Variants in CACNA1D observed in about 807,000 individuals in gnomAD.
CACNA1D encodes the protein calcium voltage-gated channel subunit alpha1 D, also known as voltage-dependent L-type calcium channel subunit alpha-1D.
In CACNA1D, 55 loss-of-function variants were observed where a neutral mutation model predicts 257.1. The observed-to-expected ratio is 0.21, with a 90% CI of 0.17 to 0.27. The LOEUF is 0.27. Ranked by LOEUF, CACNA1D falls within the 10% of genes least tolerant of loss-of-function variation. The pLI is 1.00. For missense variants in CACNA1D, 1,876 were observed against 2,784.0 expected, an observed-to-expected ratio of 0.67 and a Z score of 7.34; for synonymous variants, 980 against 1,014.9, an observed-to-expected ratio of 0.97 and a Z score of 0.65.
intron 30 of CACNA1D, among the ~76,000 whole-genome samples, chr3:53,763,620 C>T (rs2095316226): frequency 6.6e-6 from 1 of 152,196 alleles, no homozygotes; most frequent in Non-Finnish European, 1.5e-5. Flanking sequence ...CACCCCCTGC[C>T]CCTGATGCTC....
intron 44 of CACNA1D, 60 bp from the exon 45 acceptor site, chr3:53,804,923 C>T (rs1458967410): frequency 8.7e-6 from 13 of 1,488,300 alleles, no homozygotes; most frequent in Non-Finnish European, 1.2e-5. Context: ...GTCAGTCTGG[C>T]AGGGTTGAGT....
At chr3:53,547,649 G>A (rs778080447) in intron 3 of CACNA1D, among the ~76,000 whole-genome samples, 2 of 152,154 alleles carry the variant, frequency 1.3e-5, no homozygotes, top group African/African-American at 4.8e-5. Context: ...AAGAAACGAG[G>A]CAGGGAAGTT....
chr3:53,542,920 C>T (rs1389413995), intron 3 of CACNA1D, among the ~76,000 whole-genome samples: 1 of 151,716 alleles, frequency 6.6e-6, no homozygotes, highest in African/African-American at 2.4e-5. Flanking sequence ...GGCGTGGTGG[C>T]GCATGCCTGT....
chr3:53,567,935 G>A (rs1023746518), intron 3 of CACNA1D, among the ~76,000 whole-genome samples: 1 of 152,130 alleles, frequency 6.6e-6, no homozygotes, highest in African/African-American at 2.4e-5. Context: ...GTTTCTTTCT[G>A]ACTGAAAGAA....
rs565433387 is a variant in CACNA1D, at chr3:53,609,426, A to C, written c.484-41353A>C. Among the ~76,000 whole-genome samples the C allele has an allele frequency of 4.4e-4, 67 of 151,914 alleles. 2 individuals are homozygous for C. Among genetic ancestry groups the C allele is most frequent in the Middle Eastern group, 3.4e-3 (1 of 294 alleles). On this transcript the variant is annotated intron_variant, in intron 3 of 47. Coordinates refer to ENST00000350061, the MANE Select transcript of CACNA1D (RefSeq NM_001128840.3). ...CTCTACCTCAAAAAAAAAAAAAAAAAAAAAAAACTTCAAGTTATTAAATAG... is the reference window on the plus strand; with the variant it reads ...CTCTACCTCAAAAAAAAAAAAAAAACAAAAAAACTTCAAGTTATTAAATAG...
At chr3:53,724,041 G>A (rs1176138643) in intron 14 of CACNA1D, 42 bp downstream of exon 14, 1 of 1,521,744 alleles carries the variant, frequency 6.6e-7, no homozygotes, top group Non-Finnish European at 9.1e-7. Flanking sequence ...TTCGTGAGCA[G>A]CAGCTAAAAC....
At chr3:53,716,771 G>A (rs892824766) in intron 9 of CACNA1D, among the ~76,000 whole-genome samples, 15 of 152,136 alleles carry the variant, frequency 9.9e-5, no homozygotes, top group Admixed American at 1.3e-4. Flanking sequence ...TGGGCATGGC[G>A]TGGAGGCTCC....
chr3:53,611,174 C>T (rs2093578641), intron 3 of CACNA1D, among the ~76,000 whole-genome samples: 1 of 152,070 alleles, frequency 6.6e-6, no homozygotes, highest in Non-Finnish European at 1.5e-5. Context: ...AGGCTAGGAG[C>T]TCAAGACCAG....
intron 3 of CACNA1D, among the ~76,000 whole-genome samples, chr3:53,625,529 G>A (rs1212008138): frequency 2.6e-5 from 4 of 152,190 alleles, no homozygotes; most frequent in African/African-American, 9.7e-5. Context: ...CTAGGAAGAT[G>A]TGCTCTTCTG....
intron 3 of CACNA1D, among the ~76,000 whole-genome samples, chr3:53,625,397 T>C (rs2093745745): frequency 1.3e-5 from 2 of 152,192 alleles, no homozygotes; most frequent in African/African-American, 4.8e-5. Context: ...TGTCGCGTTC[T>C]GACTTCCCAG....
At chr3:53,559,845 C>T (rs567407148) in intron 3 of CACNA1D, among the ~76,000 whole-genome samples, 95 of 152,200 alleles carry the variant, frequency 6.2e-4, no homozygotes, top group Non-Finnish European at 9.8e-4. Flanking sequence ...CAAGGCCAAG[C>T]GCTTGAAGGT....
chr3:53,515,869 C>T (rs1176465759), intron 3 of CACNA1D, among the ~76,000 whole-genome samples: 1 of 152,198 alleles, frequency 6.6e-6, no homozygotes, highest in Non-Finnish European at 1.5e-5. Context: ...CATTGATTTC[C>T]TTGTGCATCT....
intron 3 of CACNA1D, among the ~76,000 whole-genome samples, chr3:53,614,142 A>AAAAAG (rs1553749063): frequency 5.3e-5 from 8 of 151,474 alleles, no homozygotes; most frequent in African/African-American, 1.7e-4. Context: ...AAAAAAAAAA[A>AAAAAG]AGAGAGACAA....
At chr3:53,797,422 G>T (rs1483923390) in intron 40 of CACNA1D, among the ~76,000 whole-genome samples, 4 of 152,188 alleles carry the variant, frequency 2.6e-5, no homozygotes, top group Non-Finnish European at 5.9e-5. Context: ...CCTGGAACAA[G>T]CAGAATATAA....
chr3:53,651,921 G>T (rs896336251), intron 4 of CACNA1D, among the ~76,000 whole-genome samples: 8 of 152,236 alleles, frequency 5.3e-5, no homozygotes, highest in Admixed American at 2.0e-4. Flanking sequence ...AGTGGAATTG[G>T]TTGTGGGCCT....
chr3:53,584,068 T>C (rs1245121439), intron 3 of CACNA1D, among the ~76,000 whole-genome samples: 1 of 152,210 alleles, frequency 6.6e-6, no homozygotes, highest in Non-Finnish European at 1.5e-5. Context: ...CATTCTCATC[T>C]ACCACTCCTC....
intron 3 of CACNA1D, among the ~76,000 whole-genome samples, chr3:53,640,290 T>G (rs910107440): frequency 6.6e-6 from 1 of 152,206 alleles, no homozygotes; most frequent in Non-Finnish European, 1.5e-5. Context: ...GCCATCCAAT[T>G]TTACCTGAGC....
At chr3:53,523,857 CAA>C (rs1419437183) in intron 3 of CACNA1D, among the ~76,000 whole-genome samples, 2 of 152,210 alleles carry the variant, frequency 1.3e-5, no homozygotes, top group African/African-American at 4.8e-5. Context: ...CATTCAGAAA[CAA>C]AGAGACTTGT....
At chr3:53,698,086 A>G (rs965244430) in intron 8 of CACNA1D, among the ~76,000 whole-genome samples, 1 of 152,252 alleles carries the variant, frequency 6.6e-6, no homozygotes, top group African/African-American at 2.4e-5. Context: ...TCATACACAT[A>G]CTTACATTGA....
Sources: gnomAD v4.1 joint callset for allele counts (sites outside exome capture counted in the v4.1 genomes callset) on GRCh38, gnomAD v4.1.1 for gene constraint, MANE v1.5 for transcripts, NCBI Gene and HGNC (gene_info 2026-07-23, HGNC 2026-07-21) for gene names.